GNAI2: variants seen among roughly 807,000 people sequenced by gnomAD.
The protein encoded by GNAI2 is G protein subunit alpha i2, also known as guanine nucleotide-binding protein G(i) subunit alpha-2.
A neutral mutation model predicts 36.8 loss-of-function variants in GNAI2; 4 were observed. The observed-to-expected ratio is 0.11, with a 90% CI of 0.05 to 0.25. GNAI2 has a LOEUF of 0.25. GNAI2 is among the 10% of genes least tolerant of loss of function. The probability of loss-of-function intolerance (pLI) is 1.00; values close to 1 mark genes in which losing one functional copy is unlikely to be tolerated. For synonymous variants in GNAI2, 194 were observed against 194.1 expected, an observed-to-expected ratio of 1.00 and a Z score of 0.01; for missense variants, 230 against 481.3, an observed-to-expected ratio of 0.48 and a Z score of 4.89.
At chr3:50,243,909 C>T (rs1385836000) in intron 1 of GNAI2, among the ~76,000 whole-genome samples, 14 of 152,138 alleles carry the variant, frequency 9.2e-5, no homozygotes, top group African/African-American at 3.1e-4. Context: ...GGCTTTCGGG[C>T]CTCAATTCTT....
chr3:50,246,411 G>T (rs1473022839), intron 1 of GNAI2, among the ~76,000 whole-genome samples: 1 of 152,250 alleles, frequency 6.6e-6, no homozygotes, highest in African/African-American at 2.4e-5. Context: ...CAGGGGACGT[G>T]GGGGTGCACG....
Position 50,253,108 on chromosome 3 carries a change from A to C in GNAI2, c.388A>C (p.Arg130=), listed in dbSNP as rs782329169. The C allele has an allele frequency of 6.2e-7, 1 of 1,613,562 alleles. No individual in the cohort carries two copies. Among genetic ancestry groups the C allele is most frequent in the East Asian group, 2.2e-5 (1 of 44,858 alleles). The stretch of plus-strand genomic sequence containing the variant: ...TGATGACCTGTCCGGCGTCATCCGG[A>C]GGCTCTGGGCTGACCATGGTGTGCA... ...LPDDLSGVIR[R]LWADHGVQAC... The change falls in exon 4 of 9, where the codon AGG becomes CGG. Residue 130 remains arginine, a synonymous_variant. Coordinates refer to ENST00000313601, the MANE Select transcript of GNAI2 (RefSeq NM_002070.4). The surrounding 1 kb of genome is among the most constrained non-coding windows in gnomAD (Gnocchi z 4.2).
At position 50,242,269 on chromosome 3, in the gene GNAI2, G is replaced by A. The variant is rs1054404778; in HGVS notation, c.118+5816G>A. Among the ~76,000 whole-genome samples the A allele has an allele frequency of 1.3e-5, 2 of 152,130 alleles. No individual in the cohort carries two copies. Among genetic ancestry groups the A allele is most frequent in the African/African-American group, 2.4e-5 (1 of 41,420 alleles). ...AGTGCTGCCTCCCCTACATCCCGTT[G>A]TGCTGTGGGGGGAGGCAGGACCGGG... On this transcript the variant is annotated intron_variant, in intron 1 of 8. Coordinates refer to ENST00000313601, the MANE Select transcript of GNAI2 (RefSeq NM_002070.4). This position sits in a 1 kb window ranked among gnomAD's most constrained non-coding sequence, Gnocchi z 4.8.
rs782118317 is a variant in GNAI2, at chr3:50,258,630, T to C, written c.*287T>C. ...TTTTAACCATTGTCTTGTTCTGTGATGAGGGGAGGGGGGCACATGCTGAGT... is the reference window on the plus strand; with the variant it reads ...TTTTAACCATTGTCTTGTTCTGTGACGAGGGGAGGGGGGCACATGCTGAGT... On this transcript the variant is annotated 3_prime_UTR_variant, in exon 9 of 9. Coordinates refer to ENST00000313601, the MANE Select transcript of GNAI2 (RefSeq NM_002070.4). The C allele has an allele frequency of 1.1e-4, 34 of 313,210 alleles. No individual in the cohort carries two copies. The highest frequency in any genetic ancestry group is 2.1e-4 in the Non-Finnish European group (33 of 160,484). 19.4% of individuals were successfully genotyped at this position (313,210 alleles called of 1,614,324 possible). A position where few individuals can be genotyped will look rare whatever the true frequency, so the allele number is the denominator to read the frequency against.
chr3:50,240,868 G>A (rs1301238893), intron 1 of GNAI2, among the ~76,000 whole-genome samples: 3 of 148,844 alleles, frequency 2.0e-5, no homozygotes, highest in Non-Finnish European at 4.4e-5. Flanking sequence ...ACAGTGGACC[G>A]AGATGGTGCC....
upstream of GNAI2, among the ~76,000 whole-genome samples, chr3:50,235,449 A>C (rs2109177947): frequency 6.6e-6 from 1 of 152,010 alleles, no homozygotes; most frequent in Middle Eastern, 3.4e-3. Flanking sequence ...CCTCCTGAGC[A>C]GGTGGGATTA....
chr3:50,230,902 A>C, exon 1 of GNAI2: 2 of 985,294 alleles, frequency 2.0e-6, no homozygotes, highest in Non-Finnish European at 2.4e-6. Flanking sequence ...ATTCCTGAGT[A>C]TGAAGAAACT....
Position 50,236,786 on chromosome 3 carries a change from C to T in GNAI2, c.118+333C>T, listed in dbSNP as rs1021245665. ...CCCCGCCATCCTTCCCTACACTTTG[C>T]CCAAACCCCCAGGATGCCCGCCACT... is the stretch of plus-strand genomic sequence containing the variant. On this transcript the variant is annotated intron_variant, in intron 1 of 8. Transcript: ENST00000313601. The surrounding 1 kb of genome is among the most constrained non-coding windows in gnomAD (Gnocchi z 4.0). Among the ~76,000 whole-genome samples the T allele has an allele frequency of 3.9e-5, 6 of 152,086 alleles. No individual in the cohort carries two copies. The highest frequency in any genetic ancestry group is 1.3e-4 in the Admixed American group (2 of 15,266).
Position 50,256,313 on chromosome 3 carries a change from C to T in GNAI2, c.586C>T (p.His196Tyr). The part of the protein sequence containing the change: ...VETHFTFKDL[H>Y]FKMFDVGGQR... ...GACACACTTCACCTTCAAGGACCTACACTTCAAGTGAGCGAGCATGTGGAC... is the reference window on the plus strand; with the variant it reads ...GACACACTTCACCTTCAAGGACCTATACTTCAAGTGAGCGAGCATGTGGAC... The change falls in exon 5 of 9, where the codon CAC becomes TAC. Residue 196 changes from histidine (H) to tyrosine (Y), a missense_variant. By Grantham distance (83) the His-to-Tyr change is moderately conservative (BLOSUM62 2). Coordinates refer to ENST00000313601, the MANE Select transcript of GNAI2 (RefSeq NM_002070.4). 1 of 1,613,958 alleles carries T rather than the reference C, an allele frequency of 6.2e-7. No homozygotes were observed. The highest frequency in any genetic ancestry group is 8.5e-7 in the Non-Finnish European group (1 of 1,179,848).
chr3:50,242,513 C>A lies in GNAI2; in HGVS notation c.118+6060C>A, dbSNP rs1202558041. The stretch of plus-strand genomic sequence containing the variant: ...GTCCCTGGTACCTGATGCTCTCAGG[C>A]AGCCCTTCCCTCAGCTACAGGTGCA... On this transcript the variant is annotated intron_variant, in intron 1 of 8. Coordinates refer to ENST00000313601, the MANE Select transcript of GNAI2 (RefSeq NM_002070.4). The surrounding 1 kb of genome is among the most constrained non-coding windows in gnomAD (Gnocchi z 4.8). Among the ~76,000 whole-genome samples, 1 of 152,156 alleles carries A rather than the reference C, an allele frequency of 6.6e-6. No homozygotes were observed. The highest frequency in any genetic ancestry group is 1.5e-5 in the Non-Finnish European group (1 of 68,018).
chr3:50,250,827 T>C (rs1380212225), intron 1 of GNAI2, among the ~76,000 whole-genome samples: 2 of 149,728 alleles, frequency 1.3e-5, no homozygotes, highest in African/African-American at 4.9e-5. Flanking sequence ...TTTTTTTTTT[T>C]AGACCAAGTT....
At chr3:50,231,657 C>A (rs587619828), upstream of GNAI2, among the ~76,000 whole-genome samples, 2 of 152,264 alleles carry the variant, frequency 1.3e-5, no homozygotes, top group East Asian at 3.9e-4. Context: ...AGACCCACGA[C>A]CAGAATAGTG....
Position 50,257,503 on chromosome 3 carries a change from C to A in GNAI2, c.881C>A (p.Ala294Asp), listed in dbSNP as rs782419644. The change falls in exon 8 of 9, where the codon GCC becomes GAC. Residue 294 changes from alanine (A) to aspartate (D), a missense_variant. Physicochemically the swap from Ala to Asp is moderately radical, Grantham distance 126 (BLOSUM62 -2). Coordinates refer to ENST00000313601, the MANE Select transcript of GNAI2 (RefSeq NM_002070.4). ...GTCTTCATTTTCTCTCCCCCAGGGG[C>A]CAACAAATATGATGAGGCAGCCAGC... ...LTICFPEYTG[A>D]NKYDEAASYI... is the part of the protein sequence containing the mutation. 4 of 1,554,898 alleles carry A rather than the reference C, an allele frequency of 2.6e-6. No homozygotes were observed. The African/African-American group carries it at 5.5e-5, about 21-fold the overall frequency.
chr3:50,251,355 C>T (rs1443674340), intron 1 of GNAI2: 13 of 995,256 alleles, frequency 1.3e-5, no homozygotes, highest in Non-Finnish European at 1.4e-5. Context: ...ATCTCAGTAC[C>T]AGCTAAAGAG....
Position 50,256,195 on chromosome 3 carries a change from C to T in GNAI2, c.468C>T (p.Tyr156=), listed in dbSNP as rs367669032. 2.8e-6 allele frequency: 3 copies of T among 1,056,730 alleles called. No individual in the cohort carries two copies. The highest frequency in any genetic ancestry group is 4.2e-6 in the Non-Finnish European group (3 of 722,548). The allele number at this position is 1,056,730 out of a possible 1,614,324, so 65.5% of individuals were successfully genotyped here. A position where few individuals can be genotyped will look rare whatever the true frequency, so the allele number is the denominator to read the frequency against. The part of the protein sequence containing the change: ...EYQLNDSAAY[Y]LNDLERIAQS... ...CCCTCCCACCCCCCATCCCCAGCTA[C>T]CTGAACGACCTGGAGCGTATTGCAC... Residue 156 remains tyrosine (Y), a synonymous_variant, in exon 5 of 9, where the codon TAC becomes TAT. Transcript: ENST00000313601.
Position 50,256,188 on chromosome 3 carries a change from C to CCCCAAA in GNAI2, c.465-3_465-2insCCAAAC. 5 of 1,575,940 alleles carry CCCCAAA rather than the reference C, an allele frequency of 3.2e-6. No individual in the cohort carries two copies. The highest frequency in any genetic ancestry group is 4.4e-6 in the Non-Finnish European group (5 of 1,148,228). ...CCACTGACCCTCCCACCCCCCATCC[C>CCCCAAA]CAGCTACCTGAACGACCTGGAGCGT... On this transcript the variant is annotated splice_region_variant and splice_polypyrimidine_tract_variant and intron_variant, in intron 4 of 8. Transcript: ENST00000313601.
intron 1 of GNAI2, among the ~76,000 whole-genome samples, chr3:50,246,021 C>G (rs1474005181): frequency 1.3e-5 from 2 of 152,136 alleles, no homozygotes; most frequent in African/African-American, 4.8e-5. Context: ...GGAGTGTTGC[C>G]GGTCCCTTTC....
intron 6 of GNAI2, 31 bp from the exon 7 acceptor site, chr3:50,256,906 G>C (rs1350752577): frequency 2.5e-6 from 4 of 1,613,598 alleles, no homozygotes; most frequent in Non-Finnish European, 3.4e-6. Context: ...GGGAGTGGTG[G>C]CTAGCGTTGA....
intron 1 of GNAI2, among the ~76,000 whole-genome samples, chr3:50,237,377 T>C (rs1394572681): frequency 3.3e-5 from 5 of 152,264 alleles, no homozygotes; most frequent in African/African-American, 1.2e-4. Context: ...GTTAGGGTTG[T>C]GGCCGCCTCC....
Sources: gnomAD v4.1 joint callset for allele counts (sites outside exome capture counted in the v4.1 genomes callset) on GRCh38, gnomAD v4.1.1 for gene constraint, Gnocchi (gnomAD v3.1) non-coding constraint, MANE v1.5 for transcripts, NCBI Gene and HGNC (gene_info 2026-07-23, HGNC 2026-07-21) for gene names.